The following DYDC1 variants were observed in gnomAD, a reference collection of about 807,000 sequenced individuals.
The protein encoded by DYDC1 is DPY30 domain-containing protein 1.
A neutral mutation model predicts 27.9 loss-of-function variants in DYDC1; 21 were observed. That is an observed-to-expected ratio of 0.75 (90% CI 0.53 to 1.08). The LOEUF is 1.08. DYDC1 is among the 50% of genes least tolerant of loss of function. The probability of loss-of-function intolerance (pLI) is 0.00; values close to 1 mark genes in which losing one functional copy is unlikely to be tolerated. For synonymous variants in DYDC1, 67 were observed against 65.8 expected (o/e 1.02, Z -0.09); for missense variants, 202 against 205.9 (o/e 0.98, Z 0.12).
chr10:80,340,539 C>A (rs554031700), intron 4 of DYDC1, among the ~76,000 whole-genome samples: 1 of 152,250 alleles, frequency 6.6e-6, no homozygotes, highest in African/African-American at 2.4e-5. Context: ...AAATAGAGAC[C>A]AATCCTTCCT....
intron 3 of DYDC1, among the ~76,000 whole-genome samples, chr10:80,342,993 A>AAAG (rs1360376798): frequency 7.9e-5 from 12 of 151,066 alleles, no homozygotes; most frequent in South Asian, 2.1e-4. Flanking sequence ...AAAAAAAAAA[A>AAAG]AAAAAGAAAA....
At chr10:80,347,370 A>T (rs1842732666) in intron 3 of DYDC1, among the ~76,000 whole-genome samples, 1 of 137,078 alleles carries the variant, frequency 7.3e-6, no homozygotes, top group African/African-American at 2.8e-5. Flanking sequence ...TATCAGATAT[A>T]TGGTTCACAA....
chr10:80,347,484 T>C (rs1221343833), intron 3 of DYDC1, among the ~76,000 whole-genome samples: 1 of 152,196 alleles, frequency 6.6e-6, no homozygotes, highest in Non-Finnish European at 1.5e-5. Flanking sequence ...TTTGCTTTTA[T>C]TGCCTGTGCT....
At position 80,351,932 on chromosome 10, in the gene DYDC1, C is replaced by A; in HGVS notation, c.218G>T (p.Arg73Met). Residue 73 changes from arginine to methionine, a missense_variant, in exon 3 of 7, where the codon AGG (arginine) becomes ATG (methionine). Arg to Met is a moderately conservative substitution (Grantham distance 91). Coordinates refer to ENST00000372202, the MANE Select transcript of DYDC1 (RefSeq NM_001269053.2). ...LALMEQEMMERLKAEELLLQQ... is the reference protein window; with the variant it reads ...LALMEQEMMEMLKAEELLLQQ... ...AAGTAAGAGCTCCTCTGCTTTGAGC[C>A]TCTCCATCATTTCCTGCTCCATCAG... 1.2e-6 allele frequency: 2 copies of A among 1,614,176 alleles called. No individual in the cohort carries two copies. Among genetic ancestry groups the A allele is most frequent in the Non-Finnish European group, 1.7e-6 (2 of 1,180,044 alleles).
chr10:80,336,124 A>G lies in DYDC1; in HGVS notation c.*32T>C. The G allele has an allele frequency of 7.2e-7, 1 of 1,382,594 alleles. No individual in the cohort carries two copies. The highest frequency in any genetic ancestry group is 1.0e-6 in the Non-Finnish European group (1 of 993,212). 85.6% of individuals were successfully genotyped at this position (1,382,594 alleles called of 1,614,324 possible). On this transcript the variant is annotated 3_prime_UTR_variant, in exon 7 of 7. Coordinates refer to ENST00000372202, the MANE Select transcript of DYDC1 (RefSeq NM_001269053.2). ...TCATGGTTTGAAATTTGAAACAAAC[A>G]AAAACATTTATTGCTCTTAGGTTGG...
chr10:80,343,968 A>C (rs1165548171), intron 3 of DYDC1, among the ~76,000 whole-genome samples: 2 of 151,970 alleles, frequency 1.3e-5, no homozygotes, highest in East Asian at 3.9e-4. Flanking sequence ...ATACCAAAAA[A>C]AATTACGCGT....
chr10:80,342,231 T>A, intron 4 of DYDC1, 38 bp downstream of exon 4: 6 of 1,593,032 alleles, frequency 3.8e-6, no homozygotes, highest in Non-Finnish European at 5.2e-6. Flanking sequence ...TTCTAGAGAG[T>A]TTTAAATAAA....
At chr10:80,342,980 C>CAAAAAAAAAAA (rs55665661) in intron 3 of DYDC1, among the ~76,000 whole-genome samples, 8 of 93,856 alleles carry the variant, frequency 8.5e-5, no homozygotes, top group Admixed American at 1.2e-4. Flanking sequence ...GACTCCCTCT[C>CAAAAAAAAAAA]AAAAAAAAAA....
Position 80,352,582 on chromosome 10 carries a change from T to G in DYDC1, c.20A>C (p.Gln7Pro). MESIYL[Q>P]KHLGACLTQG... ...AGTTAAACAGGCCCCAAGGTGCTTT[T>G]GAAGATATATTGACTCCATTTCTAA... is the stretch of plus-strand genomic sequence containing the variant. Residue 7 changes from glutamine to proline, a missense_variant, in exon 2 of 7, where the codon CAA (glutamine) becomes CCA (proline). By Grantham distance (76) the Gln-to-Pro change is moderately conservative. Coordinates refer to ENST00000372202, the MANE Select transcript of DYDC1 (RefSeq NM_001269053.2). 6.2e-7 allele frequency: 1 copy of G among 1,608,396 alleles called. No individual in the cohort carries two copies. The highest frequency in any genetic ancestry group is 8.5e-7 in the Non-Finnish European group (1 of 1,178,664).
At position 80,338,190 on chromosome 10, in the gene DYDC1, A is replaced by G. The variant is rs74955403; in HGVS notation, c.504+277T>C. The G allele has an allele frequency of 1.2e-3, 1,156 of 985,430 alleles. 8 individuals are homozygous for G. In the African/African-American group the frequency reaches 0.018, roughly 16 times the overall value. 61.0% of individuals were successfully genotyped at this position (985,430 alleles called of 1,614,324 possible). ...GCCCCCCACACCAAATTTAAAGATT[A>G]TATATTTCACAAAATGATTTTAAAA... On this transcript the variant is annotated intron_variant, in intron 6 of 6. Transcript: ENST00000372202.
intron 3 of DYDC1, among the ~76,000 whole-genome samples, chr10:80,347,281 T>A: frequency 6.6e-5 from 1 of 15,116 alleles, no homozygotes; most frequent in Non-Finnish European, 1.0e-4. Context: ...GGATCCTTTT[T>A]TTTTTTTTTT....
At chr10:80,355,810 A>T (rs545586450) in intron 1 of DYDC1, among the ~76,000 whole-genome samples, 29 of 152,256 alleles carry the variant, frequency 1.9e-4, no homozygotes, top group Non-Finnish European at 4.1e-4. Flanking sequence ...CGGAAAACAA[A>T]CTGGCACAAA....
intron 3 of DYDC1, among the ~76,000 whole-genome samples, chr10:80,342,980 CAAAA>C (rs55665661): frequency 1.1e-5 from 1 of 93,902 alleles, no homozygotes; most frequent in Admixed American, 1.2e-4. Context: ...GACTCCCTCT[CAAAA>C]AAAAAAAAAA....
At chr10:80,354,193 A>G (rs1269877854) in intron 1 of DYDC1, among the ~76,000 whole-genome samples, 2 of 151,202 alleles carry the variant, frequency 1.3e-5, no homozygotes, top group Non-Finnish European at 2.9e-5. Flanking sequence ...AAACAAATGT[A>G]TAATGAATAT....
chr10:80,336,234 GA>G (rs1161801642), intron 6 of DYDC1, 49 bp from the exon 7 acceptor site: 36 of 1,520,188 alleles, frequency 2.4e-5, no homozygotes, highest in Non-Finnish European at 3.1e-5. Flanking sequence ...TTAGAACTGT[GA>G]AAAGGCACAA....
chr10:80,356,405 CGGG>C, intron 1 of DYDC1: 1 of 985,622 alleles, frequency 1.0e-6, no homozygotes, highest in Non-Finnish European at 1.2e-6. Flanking sequence ...CGGGGGCACC[CGGG>C]CAGGGGTGCC....
intron 1 of DYDC1, among the ~76,000 whole-genome samples, chr10:80,353,834 T>TCA (rs1843164463): frequency 6.6e-6 from 1 of 152,112 alleles, no homozygotes; most frequent in Non-Finnish European, 1.5e-5. Flanking sequence ...AAATCAATAA[T>TCA]GATAATATCT....
In DYDC1 at chr10:80,356,704, G is replaced by A. The variant is rs534776004; in HGVS notation, c.-10+8C>T. 6.6e-4 allele frequency: 647 copies of A among 984,546 alleles called. 4 individuals are homozygous for A. The African/African-American group carries it at 9.7e-3, about 15-fold the overall frequency. 61.0% of individuals were successfully genotyped at this position (984,546 alleles called of 1,614,324 possible). On this transcript the variant is annotated splice_region_variant and intron_variant, in intron 1 of 6. Coordinates refer to ENST00000372202, the MANE Select transcript of DYDC1 (RefSeq NM_001269053.2). ...CAAAAACAGTTCGGGCCTTTCCGGTGCGCTCACCCCTACACACGCGCCTGC... is the reference window on the plus strand; with the variant it reads ...CAAAAACAGTTCGGGCCTTTCCGGTACGCTCACCCCTACACACGCGCCTGC...
At chr10:80,350,260 T>C (rs1218120981) in intron 3 of DYDC1, among the ~76,000 whole-genome samples, 3 of 152,232 alleles carry the variant, frequency 2.0e-5, no homozygotes, top group Admixed American at 2.0e-4. Flanking sequence ...AACTTGTTAT[T>C]GCTAGTATTG....
Sources: gnomAD v4.1 joint callset for allele counts (sites outside exome capture counted in the v4.1 genomes callset) on GRCh38, gnomAD v4.1.1 for gene constraint, MANE v1.5 for transcripts, NCBI Gene and HGNC (gene_info 2026-07-23, HGNC 2026-07-21) for gene names.